Variants in PLPPR3 observed in about 807,000 individuals in gnomAD.
PLPPR3 encodes phospholipid phosphatase-related protein type 3.
In PLPPR3, 14 loss-of-function variants were observed where a neutral mutation model predicts 27.3. That is an observed-to-expected ratio of 0.51 (90% CI 0.34 to 0.80). PLPPR3 has a LOEUF of 0.80. Ranked by LOEUF, PLPPR3 falls within the 30% of genes least tolerant of loss-of-function variation. The pLI is 0.01. For synonymous variants in PLPPR3, 671 were observed against 508.0 expected, an observed-to-expected ratio of 1.32 and a Z score of -4.32; for missense variants, 1,287 against 1,056.9, an observed-to-expected ratio of 1.22 and a Z score of -3.02.
At chr19:821,143 C>T (rs2035137366) in intron 2 of PLPPR3, among the ~76,000 whole-genome samples, 1 of 152,034 alleles carries the variant, frequency 6.6e-6, no homozygotes, top group Non-Finnish European at 1.5e-5. Flanking sequence ...CCACGCGGCA[C>T]CTGCACCCAA....
Position 812,897 on chromosome 19 carries a change from C to T in PLPPR3, c.1830G>A (p.Gly610=). 7.9e-7 allele frequency: 1 copy of T among 1,273,732 alleles called. No individual in the cohort carries two copies. The highest frequency in any genetic ancestry group is 1.0e-6 in the Non-Finnish European group (1 of 1,004,650). The allele number at this position is 1,273,732 out of a possible 1,614,324, so 78.9% of individuals were successfully genotyped here. Residue 610 remains glycine (G), a synonymous_variant, in exon 8 of 8, where the codon GGG becomes GGA. Coordinates refer to ENST00000520876, the MANE Select transcript of PLPPR3 (RefSeq NM_001270366.2). The stretch of plus-strand genomic sequence containing the variant: ...AGCCGCCGTCGGCCTCCGCCTTGGC[C>T]CCGCCGCCCGCCGCCTTCCACTCCC... ...APWEWKAAGG[G]AKAEADGGYE... is the part of the protein sequence containing the mutation.
rs1209268856 is a variant in PLPPR3, at chr19:814,534, G to A, written c.731C>T (p.Ala244Val). The A allele has an allele frequency of 1.2e-6, 2 of 1,612,018 alleles. No homozygotes were observed. The highest frequency in any genetic ancestry group is 2.2e-5 in the East Asian group (1 of 44,882). Residue 244 changes from alanine to valine, a missense_variant, in exon 7 of 8, where the codon GCC becomes GTC. By Grantham distance (64) the Ala-to-Val change is moderately conservative (BLOSUM62 0). Coordinates refer to ENST00000520876, the MANE Select transcript of PLPPR3 (RefSeq NM_001270366.2). ...CTGCGTGAGCCCGCATACGCCCGCG[G>A]CGATGGCAAAGGCGAAGACCAGGAT... is the stretch of plus-strand genomic sequence containing the variant. ...KPILVFAFAIAAGVCGLTQIT... is the reference protein window; with the variant it reads ...KPILVFAFAIVAGVCGLTQIT...
rs1378147356 is a variant in PLPPR3 at position 813,677 on chromosome 19, C to T, written c.1050G>A (p.Lys350=). The T allele has an allele frequency of 6.5e-7, 1 of 1,533,444 alleles. No individual in the cohort carries two copies. The highest frequency in any genetic ancestry group is 8.7e-7 in the Non-Finnish European group (1 of 1,144,486). 95.0% of individuals were successfully genotyped at this position (1,533,444 alleles called of 1,614,324 possible). ...GCAGGTCCACGTCCACGCTGGCGCG[C>T]TTCAGGCTGCCCAGCGAGGTCTTCT... ...AREKTSLGSL[K]RASVDVDLLA... Residue 350 remains lysine (K), a synonymous_variant, in exon 8 of 8, where the codon AAG becomes AAA. Transcript: ENST00000520876. This position sits in a 1 kb window ranked among gnomAD's most constrained non-coding sequence, Gnocchi z 4.1.
chr19:813,209 G>A lies in PLPPR3; in HGVS notation c.1518C>T (p.Gly506=), dbSNP rs1314128051. 2 of 1,494,396 alleles carry A rather than the reference G, an allele frequency of 1.3e-6. No individual in the cohort carries two copies. The highest frequency in any genetic ancestry group is 2.7e-5 in the East Asian group (1 of 36,828). 92.6% of individuals were successfully genotyped at this position (1,494,396 alleles called of 1,614,324 possible). A position where few individuals can be genotyped will look rare whatever the true frequency, so the allele number is the denominator to read the frequency against. ...CCCCGGCGCCGCTTTTGGGGGACAG[G>A]CCGGCCCCCGTCTGCGCGCCCTCCT... ...IPEEGAQTGA[G]LSPKSGAGVR... Residue 506 remains glycine, a synonymous_variant, in exon 8 of 8, where the codon GGC becomes GGT. Coordinates refer to ENST00000520876, the MANE Select transcript of PLPPR3 (RefSeq NM_001270366.2). This position sits in a 1 kb window ranked among gnomAD's most constrained non-coding sequence, Gnocchi z 4.1.
intron 2 of PLPPR3, among the ~76,000 whole-genome samples, chr19:818,963 TATTATTA>T (rs1568287023): frequency 0.021 from 1,954 of 91,342 alleles, 564 homozygotes; most frequent in African/African-American, 0.038. Flanking sequence ...TCGGCCTTAT[TATTATTA>T]TTTTATTTAT....
At chr19:814,023 G>C in intron 7 of PLPPR3, 128 bp from the exon 8 acceptor site, 1 of 873,268 alleles carries the variant, frequency 1.1e-6, no homozygotes, top group Admixed American at 3.4e-5. Context: ...CAGTGGGACC[G>C]GTTCCCACCC....
Position 813,292 on chromosome 19 carries a change from C to G in PLPPR3, c.1435G>C (p.Gly479Arg), listed in dbSNP as rs772784383. ...CGCGGTGGGAGGATGACCCGAGGCC[C>G]CAGCCCCGGCCGCGCCTGCACGGTG... ...YPTVQARPGL[G>R]PRVILPPRAG... Residue 479 changes from glycine (G) to arginine (R), a missense_variant, in exon 8 of 8, where the codon GGG becomes CGG. By Grantham distance (125) the Gly-to-Arg change is moderately radical. Transcript: ENST00000520876. The surrounding 1 kb of genome is among the most constrained non-coding windows in gnomAD (Gnocchi z 4.1). 1.5e-5 allele frequency: 22 copies of G among 1,465,012 alleles called. No individual in the cohort carries two copies. The highest frequency in any genetic ancestry group is 2.0e-5 in the Non-Finnish European group (22 of 1,120,282). 90.8% of individuals were successfully genotyped at this position (1,465,012 alleles called of 1,614,324 possible).
Position 815,769 on chromosome 19 carries a change from T to C in PLPPR3, c.158A>G (p.Gln53Arg). ...DLFKPAKVGF[Q>R]CYDRTLSMPY... is the part of the protein sequence containing the mutation. The stretch of plus-strand genomic sequence containing the variant: ...CATGGAGAGAGTGCGGTCATAGCAC[T>C]GGAAGCCCACCTTGGCCGGCTTGAA... The change falls in exon 3 of 8, where the codon CAG becomes CGG. Residue 53 changes from glutamine (Q) to arginine (R), a missense_variant. Transcript: ENST00000520876. 2 of 1,612,842 alleles carry C rather than the reference T, an allele frequency of 1.2e-6. No homozygotes were observed. The highest frequency in any genetic ancestry group is 1.7e-5 in the Admixed American group (1 of 59,978).
intron 2 of PLPPR3, among the ~76,000 whole-genome samples, chr19:816,348 T>TCCAA: frequency 2.2e-5 from 1 of 45,650 alleles, no homozygotes; most frequent in Admixed American, 2.3e-4. Context: ...CACCCATCCA[T>TCCAA]CCGTCCATTC....
chr19:818,784 A>C (rs1433206904), intron 2 of PLPPR3, among the ~76,000 whole-genome samples: 3 of 151,940 alleles, frequency 2.0e-5, no homozygotes, highest in Non-Finnish European at 2.9e-5. Context: ...CCGCCCACCT[A>C]GGCCTTCCAA....
At position 813,726 on chromosome 19, in the gene PLPPR3, C is replaced by A; in HGVS notation, c.1001G>T (p.Gly334Val). ...CTCGCGGGCCACGGGCCGGGGCGCG[C>A]CCTCCAGCCGCCCTGGGGGCCCCAG... ...DELGPPGRLE[G>V]APRPVAREKT... The change falls in exon 8 of 8, where the codon GGC (glycine) becomes GTC (valine). Residue 334 changes from glycine (G) to valine (V), a missense_variant. Transcript: ENST00000520876. The surrounding 1 kb of genome is among the most constrained non-coding windows in gnomAD (Gnocchi z 4.1). 1.3e-6 allele frequency: 2 copies of A among 1,525,416 alleles called. No individual in the cohort carries two copies. 94.5% of individuals were successfully genotyped at this position (1,525,416 alleles called of 1,614,324 possible).
chr19:814,851 G>A (rs764478308), intron 5 of PLPPR3, 35 bp downstream of exon 5: 2 of 1,596,048 alleles, frequency 1.3e-6, no homozygotes, highest in African/African-American at 1.3e-5. Context: ...GGCGGAAGAA[G>A]GCTCCCAGTC....
In PLPPR3 at chr19:812,834, C is replaced by A. The variant is rs895864089; in HGVS notation, c.1893G>T (p.Gly631=). ...CGGGGGACACGCCCGGGGGCTTGGC[C>A]CCGCCGCGGAAGCCGCGCGCCAGGT... is the stretch of plus-strand genomic sequence containing the variant. ...LGDLARGFRG[G]AKPPGVSPGS... The change falls in exon 8 of 8, where the codon GGG becomes GGT. Residue 631 remains glycine (G), a synonymous_variant. Coordinates refer to ENST00000520876, the MANE Select transcript of PLPPR3 (RefSeq NM_001270366.2). The A allele has an allele frequency of 1.4e-4, 161 of 1,115,802 alleles. No individual in the cohort carries two copies. The highest frequency in any genetic ancestry group is 1.7e-4 in the Non-Finnish European group (155 of 911,756). 69.1% of individuals were successfully genotyped at this position (1,115,802 alleles called of 1,614,324 possible).
chr19:821,598 A>G lies in PLPPR3; in HGVS notation c.-26-13T>C. ...CCGCAGGCCGTGGCTGGAGGGGAGAAAGCGGCGCTGGAGGGGGGCGCGCAG... is the reference window on the plus strand; with the variant it reads ...CCGCAGGCCGTGGCTGGAGGGGAGAGAGCGGCGCTGGAGGGGGGCGCGCAG... On this transcript the variant is annotated splice_polypyrimidine_tract_variant and intron_variant, in intron 1 of 7. Transcript: ENST00000520876. The G allele has an allele frequency of 1.4e-6, 2 of 1,423,322 alleles. No homozygotes were observed. Among genetic ancestry groups the G allele is most frequent in the East Asian group, 3.2e-5 (1 of 31,200 alleles). 88.2% of individuals were successfully genotyped at this position (1,423,322 alleles called of 1,614,324 possible). A position where few individuals can be genotyped will look rare whatever the true frequency, so the allele number is the denominator to read the frequency against.
rs1220820905 is a variant in PLPPR3 at position 813,580 on chromosome 19, G to A, written c.1147C>T (p.Pro383Ser). ...CGGCGCGCGGGGTCGTCCAGCGAGG[G>A]CGCGCTGGCCCTGGGCAGCGTGTGG... ...FSHTLPRASAPSLDDPARRHM... is the reference protein window; with the variant it reads ...FSHTLPRASASSLDDPARRHM... Residue 383 changes from proline (P) to serine (S), a missense_variant, in exon 8 of 8, where the codon CCC (proline) becomes TCC (serine). Pro to Ser is a moderately conservative substitution (Grantham distance 74). Coordinates refer to ENST00000520876, the MANE Select transcript of PLPPR3 (RefSeq NM_001270366.2). The surrounding 1 kb of genome is among the most constrained non-coding windows in gnomAD (Gnocchi z 4.1). The A allele has an allele frequency of 1.9e-6, 3 of 1,555,274 alleles. No individual in the cohort carries two copies. In the East Asian group the frequency reaches 7.2e-5, roughly 37 times the overall value.
At position 812,541 on chromosome 19, in the gene PLPPR3, G is replaced by GCGCCCCC; in HGVS notation, c.*28_*29insGGGGGCG. The GCGCCCCC allele has an allele frequency of 3.2e-6, 2 of 617,396 alleles. No homozygotes were observed. The highest frequency in any genetic ancestry group is 2.1e-5 in the African/African-American group (1 of 48,756). The allele number at this position is 617,396 out of a possible 1,614,324, so 38.2% of individuals were successfully genotyped here. On this transcript the variant is annotated 3_prime_UTR_variant, in exon 8 of 8. Transcript: ENST00000520876. The stretch of plus-strand genomic sequence containing the variant: ...GCGCGGCCGCCCGCGCCCTCGGCCC[G>GCGCCCCC]CCCCCCGCCCGCCCCCGGCCCCGCC...
In PLPPR3 at chr19:815,138, C is replaced by G. The variant is rs367703805; in HGVS notation, c.403+48G>C. 8.2e-5 allele frequency: 131 copies of G among 1,600,870 alleles called. No individual in the cohort carries two copies. In the African/African-American group the frequency reaches 1.5e-3, roughly 18 times the overall value. On this transcript the variant is annotated intron_variant, in intron 4 of 7. Transcript: ENST00000520876. ...GCTGGGGACCCGGGACAGCCCCACC[C>G]CCTGCATGTGGAGGTAGCTCAGGGT...
rs949577799 is a variant in PLPPR3, at chr19:821,187, GCCCCCAGCCCCCGA to G, written c.75+284_75+297del. On this transcript the variant is annotated intron_variant, in intron 2 of 7. Coordinates refer to ENST00000520876, the MANE Select transcript of PLPPR3 (RefSeq NM_001270366.2). ...CCTCCGGCCTCCCCGCCCCCTCCAG[GCCCCCAGCCCCCGA>G]CCCCCAGCCCCTCTGACCACACCTT... 2.1e-3 allele frequency among the ~76,000 whole-genome samples: 197 copies of G among 94,146 alleles called. 3 individuals carry two copies. The East Asian group carries it at 0.052, about 25-fold the overall frequency. 61.8% of individuals were successfully genotyped at this position (94,146 alleles called of 152,430 possible).
In PLPPR3 at chr19:813,347, G is replaced by GTCCTCC. The variant is rs1555701799; in HGVS notation, c.1374_1379dup (p.Glu458_Glu459dup). ...AGAGCGAGGGCGGGGCCGGGCCCTC[G>GTCCTCC]TCCTCCTCCTCTTCCTCCTCCTCCT... On this transcript the variant is annotated inframe_insertion, in exon 8 of 8. Coordinates refer to ENST00000520876, the MANE Select transcript of PLPPR3 (RefSeq NM_001270366.2). This position sits in a 1 kb window ranked among gnomAD's most constrained non-coding sequence, Gnocchi z 4.1. The GTCCTCC allele has an allele frequency of 1.4e-6, 2 of 1,474,440 alleles. No homozygotes were observed. The highest frequency in any genetic ancestry group is 2.5e-5 in the Admixed American group (1 of 40,668). 91.3% of individuals were successfully genotyped at this position (1,474,440 alleles called of 1,614,324 possible).
Sources: gnomAD v4.1 joint callset for allele counts (sites outside exome capture counted in the v4.1 genomes callset) on GRCh38, gnomAD v4.1.1 for gene constraint, Gnocchi (gnomAD v3.1) non-coding constraint, MANE v1.5 for transcripts, NCBI Gene and HGNC (gene_info 2026-07-23, HGNC 2026-07-21) for gene names.